Variants in RAB6A observed in about 807,000 individuals in gnomAD.
RAB6A encodes RAB6A, member RAS oncogene family.
A neutral mutation model predicts 32.3 loss-of-function variants in RAB6A; 8 were observed. That is an observed-to-expected ratio of 0.25 (90% CI 0.15 to 0.45). The LOEUF is 0.45. RAB6A is among the 20% of genes least tolerant of loss of function. RAB6A has a pLI of 1.00. For synonymous variants in RAB6A, 73 were observed against 82.1 expected (o/e 0.89, Z 0.60); for missense variants, 104 against 249.4 (o/e 0.42, Z 3.93).
rs1945287662 is a variant in RAB6A at position 73,677,514 on chromosome 11, C to T, written c.*384G>A. 2 of 383,592 alleles carry T rather than the reference C, an allele frequency of 5.2e-6. No homozygotes were observed. Among genetic ancestry groups the T allele is most frequent in the Non-Finnish European group, 4.9e-6 (1 of 205,480 alleles). 23.8% of individuals were successfully genotyped at this position (383,592 alleles called of 1,614,324 possible). On this transcript the variant is annotated 3_prime_UTR_variant, in exon 8 of 8. Coordinates refer to ENST00000336083, the MANE Select transcript of RAB6A (RefSeq NM_198896.2). ...GGGGGTAAGTGAGAGGTGAGAAAAG[C>T]AAGGAGAGATAAAGTAGGCTGTGAA...
chr11:73,759,991 C>T (rs72976884), intron 1 of RAB6A: 118,597 of 1,276,026 alleles, frequency 0.093, 6,120 homozygotes, highest in Admixed American at 0.14. Flanking sequence ...ATGGCCCAGA[C>T]TAATTTCCCA....
At chr11:73,759,919 G>A in intron 1 of RAB6A, 1 of 761,174 alleles carries the variant, frequency 1.3e-6, no homozygotes, top group Non-Finnish European at 1.9e-6. Flanking sequence ...CACTGCCGAC[G>A]CTACCCCTTT....
At position 73,728,893 on chromosome 11, in the gene RAB6A, C is replaced by T. The variant is rs548296258; in HGVS notation, c.129+1872G>A. Among the ~76,000 whole-genome samples, 18 of 151,914 alleles carry T rather than the reference C, an allele frequency of 1.2e-4. No homozygotes were observed. In the East Asian group the frequency reaches 3.5e-3, roughly 29 times the overall value. The stretch of plus-strand genomic sequence containing the variant: ...TTCTCTAAATGTTTCATAGAATTGA[C>T]CAATGAAATTATCTGATGCTGGGAT... On this transcript the variant is annotated intron_variant, in intron 2 of 7. Coordinates refer to ENST00000336083, the MANE Select transcript of RAB6A (RefSeq NM_198896.2).
intron 6 of RAB6A, among the ~76,000 whole-genome samples, chr11:73,703,333 G>A (rs1249911681): frequency 6.6e-6 from 1 of 151,956 alleles, no homozygotes; most frequent in Admixed American, 6.6e-5. Flanking sequence ...TTATTTTTAT[G>A]GCAAAACAAT....
intron 6 of RAB6A, among the ~76,000 whole-genome samples, chr11:73,704,904 G>A (rs1341020480): frequency 1.3e-5 from 2 of 151,820 alleles, no homozygotes; most frequent in African/African-American, 2.4e-5. Flanking sequence ...GCTGAGGCAG[G>A]AGAATGGCGT....
chr11:73,749,847 GCAAGACC>G (rs1461608382), intron 1 of RAB6A, among the ~76,000 whole-genome samples: 2 of 152,066 alleles, frequency 1.3e-5, no homozygotes, highest in African/African-American at 4.8e-5. Context: ...GGGTAACAGA[GCAAGACC>G]CTGACTGTAA....
chr11:73,682,483 G>A (rs774795574), intron 6 of RAB6A, among the ~76,000 whole-genome samples: 55 of 152,110 alleles, frequency 3.6e-4, no homozygotes, highest in Admixed American at 2.0e-3. Flanking sequence ...CTAACACAGT[G>A]AAACCCCATC....
intron 1 of RAB6A, among the ~76,000 whole-genome samples, chr11:73,759,182 TA>T (rs1946804521): frequency 6.6e-6 from 1 of 152,180 alleles, no homozygotes; most frequent in South Asian, 2.1e-4. Context: ...TAACCTCACC[TA>T]AAACACCTAG....
chr11:73,696,964 T>C (rs1945664740), intron 6 of RAB6A, among the ~76,000 whole-genome samples: 1 of 152,156 alleles, frequency 6.6e-6, no homozygotes, highest in Admixed American at 6.5e-5. Flanking sequence ...TGGCTTCCTC[T>C]CTCACTGGGA....
intron 6 of RAB6A, among the ~76,000 whole-genome samples, chr11:73,706,025 G>GT (rs1241247639): frequency 2.0e-5 from 3 of 151,984 alleles, no homozygotes; most frequent in Admixed American, 6.6e-5. Context: ...ATGAGCACAG[G>GT]TATCAAACCA....
rs571719967 is a variant in RAB6A, at chr11:73,731,667, A to G, written c.71-844T>C. Among the ~76,000 whole-genome samples the G allele has an allele frequency of 7.1e-5, 10 of 140,784 alleles. No homozygotes were observed. The South Asian group carries it at 2.2e-3, about 31-fold the overall frequency. The allele number at this position is 140,784 out of a possible 152,430, so 92.4% of individuals were successfully genotyped here. ...ATCCATAACTTCACTTTGTATTGTG[A>G]GATAGATAGATAGATATTATATATA... On this transcript the variant is annotated intron_variant, in intron 1 of 7. Transcript: ENST00000336083.
intron 1 of RAB6A, among the ~76,000 whole-genome samples, chr11:73,751,074 G>T (rs1946663275): frequency 6.6e-6 from 1 of 152,034 alleles, no homozygotes; most frequent in Admixed American, 6.6e-5. Context: ...CAAAGTGCTG[G>T]GATTACAGGT....
intron 1 of RAB6A, among the ~76,000 whole-genome samples, chr11:73,743,280 G>A (rs1450383721): frequency 7.3e-6 from 1 of 137,528 alleles, no homozygotes; most frequent in Non-Finnish European, 1.5e-5. Context: ...ACTCCAGCCT[G>A]ATCAACAGAG....
chr11:73,734,680 C>T (rs1413607988), intron 1 of RAB6A, among the ~76,000 whole-genome samples: 1 of 152,144 alleles, frequency 6.6e-6, no homozygotes, highest in Non-Finnish European at 1.5e-5. Context: ...AGGGTTCTCG[C>T]TCCTATGAGA....
In RAB6A at chr11:73,712,728, C is replaced by CTTTTTTTTTTTTTTTTTT. The variant is rs57665830; in HGVS notation, c.401+3522_401+3523insAAAAAAAAAAAAAAAAAA. Among the ~76,000 whole-genome samples the CTTTTTTTTTTTTTTTTTT allele has an allele frequency of 1.4e-5, 2 of 142,750 alleles. 1 individual carries two copies. Among genetic ancestry groups the CTTTTTTTTTTTTTTTTTT allele is most frequent in the Non-Finnish European group, 3.0e-5 (2 of 66,216 alleles). The allele number at this position is 142,750 out of a possible 152,430, so 93.6% of individuals were successfully genotyped here. On this transcript the variant is annotated intron_variant, in intron 5 of 7. Transcript: ENST00000336083. ...GACCACATTGCTTTAATTATAGAGGCTTTTTTTTTTTTTGACAGTTTCACT... is the reference window on the plus strand; with the variant it reads ...GACCACATTGCTTTAATTATAGAGGCTTTTTTTTTTTTTTTTTTTTTTTTTTTTTTTGACAGTTTCACT...
chr11:73,678,304 G>C (rs886896919), intron 7 of RAB6A, among the ~76,000 whole-genome samples: 1 of 152,170 alleles, frequency 6.6e-6, no homozygotes, highest in Non-Finnish European at 1.5e-5. Context: ...TCCAACAGCA[G>C]AGGAAACATT....
intron 6 of RAB6A, among the ~76,000 whole-genome samples, chr11:73,686,755 T>C (rs189030747): frequency 6.6e-6 from 1 of 152,252 alleles, no homozygotes; most frequent in African/African-American, 2.4e-5. Context: ...ACTAACAAAG[T>C]ATTCCAGGGC....
chr11:73,731,707 TATATATATATATATATATATATATAC>T (rs1185887526), intron 1 of RAB6A, among the ~76,000 whole-genome samples: 1,881 of 18,818 alleles, frequency 0.1, 105 homozygotes, highest in Admixed American at 0.23. Context: ...TATATATATA[TATATATATATATATATATATATATAC>T]ACACACACAC....
intron 1 of RAB6A, among the ~76,000 whole-genome samples, chr11:73,757,267 C>T (rs1044337143): frequency 2.0e-5 from 3 of 149,144 alleles, no homozygotes; most frequent in Admixed American, 6.8e-5. Context: ...CCTCAGCCTC[C>T]TGAGTAGCTG....
Sources: gnomAD v4.1 joint callset for allele counts (sites outside exome capture counted in the v4.1 genomes callset) on GRCh38, gnomAD v4.1.1 for gene constraint, MANE v1.5 for transcripts, NCBI Gene and HGNC (gene_info 2026-07-23, HGNC 2026-07-21) for gene names.